Variants in CCBE1 observed in about 807,000 individuals in gnomAD.
CCBE1 encodes collagen and calcium-binding EGF domain-containing protein 1.
In CCBE1, 37 loss-of-function variants were observed where a neutral mutation model predicts 50.0. The ratio of observed to expected loss-of-function variants is 0.74; its 90% CI spans 0.57 to 0.97. The LOEUF (loss-of-function observed/expected upper bound fraction) is 0.97. Ranked by LOEUF, CCBE1 falls within the 50% of genes least tolerant of loss-of-function variation. The pLI is 0.00. For synonymous variants in CCBE1, 234 were observed against 203.7 expected (o/e 1.15, Z -1.27); for missense variants, 538 against 523.8 (o/e 1.03, Z -0.26).
intron 2 of CCBE1, among the ~76,000 whole-genome samples, chr18:59,542,224 T>G (rs924157070): frequency 1.1e-4 from 16 of 151,254 alleles, no homozygotes; most frequent in African/African-American, 3.9e-4. Flanking sequence ...AAAAGAACTA[T>G]GCTTTCTCAG....
chr18:59,587,383 A>C (rs554802597), intron 2 of CCBE1, among the ~76,000 whole-genome samples: 1 of 152,112 alleles, frequency 6.6e-6, no homozygotes, highest in African/African-American at 2.4e-5. Flanking sequence ...TGCAGAAGAA[A>C]AATCATAATC....
chr18:59,599,821 T>A (rs114072946), intron 2 of CCBE1, among the ~76,000 whole-genome samples: 4 of 152,308 alleles, frequency 2.6e-5, no homozygotes, highest in African/African-American at 9.6e-5. Flanking sequence ...GAAACAGACT[T>A]AGGCATTTCT....
chr18:59,459,106 G>C (rs1024052143), intron 5 of CCBE1: 1 of 152,222 alleles, frequency 6.6e-6, no homozygotes, highest in Non-Finnish European at 1.5e-5. Context: ...TCCCAGAACA[G>C]TGCCCAGCTT....
intron 2 of CCBE1, among the ~76,000 whole-genome samples, chr18:59,694,629 C>T (rs963540224): frequency 2.6e-5 from 4 of 152,170 alleles, no homozygotes; most frequent in East Asian, 1.9e-4. Flanking sequence ...TCATGCTGTG[C>T]GGCTGGTTTC....
intron 10 of CCBE1, among the ~76,000 whole-genome samples, chr18:59,436,969 C>G (rs1232311320): frequency 6.6e-6 from 1 of 151,894 alleles, no homozygotes; most frequent in Non-Finnish European, 1.5e-5. Flanking sequence ...GAGACCCTGT[C>G]TCAAAAAAAA....
intron 2 of CCBE1, among the ~76,000 whole-genome samples, chr18:59,585,169 G>GC (rs1428680421): frequency 1.3e-5 from 2 of 151,782 alleles, no homozygotes; most frequent in Non-Finnish European, 2.9e-5. Context: ...ATATGGAATA[G>GC]CCCTGGCTCA....
intron 2 of CCBE1, among the ~76,000 whole-genome samples, chr18:59,585,801 AT>A (rs1292850545): frequency 6.6e-6 from 1 of 152,212 alleles, no homozygotes; most frequent in East Asian, 1.9e-4. Flanking sequence ...ACACATAGGC[AT>A]TAATATCATT....
intron 2 of CCBE1, among the ~76,000 whole-genome samples, chr18:59,667,566 C>A (rs1309208521): frequency 6.6e-6 from 1 of 152,214 alleles, no homozygotes; most frequent in Non-Finnish European, 1.5e-5. Context: ...GGGACACTGA[C>A]AATGACTGTG....
Position 59,448,116 on chromosome 18 carries a change from G to A in CCBE1, c.655-13C>T. On this transcript the variant is annotated splice_polypyrimidine_tract_variant and intron_variant, in intron 6 of 10. Transcript: ENST00000439986. ...GGAGCAGAGCAATCTGCAAGGAGAA[G>A]AGGAAGCCTCAGTCAGGAAGCAATG... 1.2e-6 allele frequency: 2 copies of A among 1,613,908 alleles called. No homozygotes were observed. The highest frequency in any genetic ancestry group is 1.7e-6 in the Non-Finnish European group (2 of 1,180,004).
chr18:59,594,096 C>G (rs2053315521), intron 2 of CCBE1, among the ~76,000 whole-genome samples: 2 of 152,310 alleles, frequency 1.3e-5, no homozygotes, highest in South Asian at 4.2e-4. Flanking sequence ...ATGAAAAATA[C>G]CAAGTTCTCT....
intron 2 of CCBE1, among the ~76,000 whole-genome samples, chr18:59,562,533 T>C (rs1330515306): frequency 6.6e-6 from 1 of 152,182 alleles, no homozygotes; most frequent in Non-Finnish European, 1.5e-5. Flanking sequence ...CATCTCCATG[T>C]CAGTCCCCTG....
At chr18:59,589,043 C>A (rs1261734847) in intron 2 of CCBE1, among the ~76,000 whole-genome samples, 1 of 152,188 alleles carries the variant, frequency 6.6e-6, no homozygotes, top group East Asian at 1.9e-4. Flanking sequence ...TCCAGTAGCA[C>A]AGCATCTTAG....
At chr18:59,524,791 C>T (rs2144335747) in intron 2 of CCBE1, among the ~76,000 whole-genome samples, 1 of 152,302 alleles carries the variant, frequency 6.6e-6, no homozygotes, top group Non-Finnish European at 1.5e-5. Context: ...GTTCTCCTCC[C>T]TGTGTCCATG....
At chr18:59,574,576 A>T (rs1345363482) in intron 2 of CCBE1, among the ~76,000 whole-genome samples, 2 of 152,250 alleles carry the variant, frequency 1.3e-5, no homozygotes, top group Non-Finnish European at 2.9e-5. Flanking sequence ...TTCCACAAAA[A>T]TATAACTTTA....
intron 2 of CCBE1, among the ~76,000 whole-genome samples, chr18:59,546,512 C>CA (rs1261681922): frequency 6.6e-6 from 1 of 152,222 alleles, no homozygotes; most frequent in Non-Finnish European, 1.5e-5. Flanking sequence ...CACAGAGGCC[C>CA]AGTCCCCTGC....
At chr18:59,660,577 C>A (rs74364777) in intron 2 of CCBE1, among the ~76,000 whole-genome samples, 3,539 of 152,158 alleles carry the variant, frequency 0.023, 128 homozygotes, top group African/African-American at 0.082. Context: ...CTACTTGGAC[C>A]ACACTATAAA....
intron 2 of CCBE1, among the ~76,000 whole-genome samples, chr18:59,592,373 A>G (rs1332948959): frequency 1.3e-5 from 2 of 152,252 alleles, no homozygotes; most frequent in African/African-American, 4.8e-5. Flanking sequence ...TCTGGAAAAA[A>G]TCTGAAATCT....
chr18:59,691,996 C>T (rs2054739421), intron 2 of CCBE1, among the ~76,000 whole-genome samples: 1 of 152,164 alleles, frequency 6.6e-6, no homozygotes, highest in Non-Finnish European at 1.5e-5. Flanking sequence ...AGTAGAGTAG[C>T]TTGTTAGTCA....
Position 59,451,103 on chromosome 18 carries a change from T to G in CCBE1, c.655-3000A>C, listed in dbSNP as rs79376541. Among the ~76,000 whole-genome samples the G allele has an allele frequency of 6.6e-3, 1,007 of 152,266 alleles. 12 individuals are homozygous for G. Among genetic ancestry groups the G allele is most frequent in the African/African-American group, 0.023 (955 of 41,562 alleles). On this transcript the variant is annotated intron_variant, in intron 6 of 10. Transcript: ENST00000439986. ...CATGGTTTCCCCATAAGACAGTAAG[T>G]TTATTTCAGGCAGAATCCTCTCCGT...
Sources: allele counts gnomAD v4.1 joint callset (sites outside exome capture counted in the v4.1 genomes callset), GRCh38; gene constraint gnomAD v4.1.1; transcripts MANE v1.5; gene names NCBI Gene and HGNC (gene_info 2026-07-23, HGNC 2026-07-21).